CLDN14: variants seen among roughly 807,000 people sequenced by gnomAD.
CLDN14 encodes claudin 14, also known as claudin-14.
Under a neutral mutation model 2.1 loss-of-function variants are expected in CLDN14, and 2 were observed. That is an observed-to-expected ratio of 0.96 (90% CI 0.39 to 3.01). The LOEUF is 3.01. CLDN14 is among the 30% of genes most tolerant of loss of function. The probability of loss-of-function intolerance (pLI) is 0.09; values close to 1 mark genes in which losing one functional copy is unlikely to be tolerated. For synonymous variants in CLDN14, 136 were observed against 154.4 expected (o/e 0.88, Z 0.88); for missense variants, 298 against 328.0 (o/e 0.91, Z 0.71).
At chr21:36,513,085 C>T (rs2146486235) in intron 1 of CLDN14, among the ~76,000 whole-genome samples, 1 of 152,310 alleles carries the variant, frequency 6.6e-6, no homozygotes, top group Non-Finnish European at 1.5e-5. Context: ...ATCTACCTGC[C>T]TGTGTCTCAC....
chr21:36,486,170 G>T, intron 2 of CLDN14: 2 of 1,175,340 alleles, frequency 1.7e-6, no homozygotes, highest in South Asian at 1.2e-5. Context: ...TGGCTGGCAA[G>T]TGTCCATGGC....
intron 1 of CLDN14, among the ~76,000 whole-genome samples, chr21:36,517,754 G>A (rs2087239533): frequency 6.6e-6 from 1 of 152,208 alleles, no homozygotes; most frequent in Non-Finnish European, 1.5e-5. Flanking sequence ...ATGGTGCTCA[G>A]ATATGTGGTA....
intron 2 of CLDN14, among the ~76,000 whole-genome samples, chr21:36,501,310 G>A (rs1341817799): frequency 1.6e-5 from 2 of 125,338 alleles, no homozygotes; most frequent in Non-Finnish European, 3.3e-5. Flanking sequence ...CATTATTAAT[G>A]GGAGTTTCAG....
chr21:36,536,374 T>A (rs1377052969), intron 1 of CLDN14, among the ~76,000 whole-genome samples: 1 of 152,222 alleles, frequency 6.6e-6, no homozygotes, highest in Non-Finnish European at 1.5e-5. Context: ...TGAACTCATT[T>A]TAAAAATGAC....
intron 1 of CLDN14, among the ~76,000 whole-genome samples, chr21:36,538,729 T>C (rs963266600): frequency 2.0e-5 from 3 of 150,784 alleles, no homozygotes; most frequent in Non-Finnish European, 3.0e-5. Context: ...GATGCTGCAG[T>C]GCTCCCTCAA....
In CLDN14 at chr21:36,568,619, G is replaced by A. The variant is rs529796312; in HGVS notation, c.-220+7792C>T. On this transcript the variant is annotated intron_variant, in intron 1 of 2. Coordinates refer to the CLDN14 transcript ENST00000342108. ...TCAGGCCTGAAGTCACAGTTACTTG[G>A]GAGGCTGATGTGGGAGGATCGCTTG... is the stretch of plus-strand genomic sequence containing the variant. Among the ~76,000 whole-genome samples the A allele has an allele frequency of 8.5e-5, 13 of 152,338 alleles. No homozygotes were observed. In the South Asian group the frequency reaches 2.7e-3, roughly 32 times the overall value.
In CLDN14 at chr21:36,527,471, G is replaced by C. The variant is rs1397373698; in HGVS notation, c.-219-16971C>G. Among the ~76,000 whole-genome samples, 4 of 152,312 alleles carry C rather than the reference G, an allele frequency of 2.6e-5. No individual in the cohort carries two copies. The East Asian group carries it at 7.7e-4, about 29-fold the overall frequency. On this transcript the variant is annotated intron_variant, in intron 1 of 2. Transcript: ENST00000342108. ...GAGAAGCAAAACAGCTTCAGACTTT[G>C]TTGCTTTAATATTTCCATGTAGATC...
At chr21:36,518,708 A>G (rs2087247400) in intron 1 of CLDN14, among the ~76,000 whole-genome samples, 1 of 152,182 alleles carries the variant, frequency 6.6e-6, no homozygotes, top group African/African-American at 2.4e-5. Context: ...AACTCCAGTG[A>G]CCCATTTGGA....
chr21:36,486,801 G>A, intron 2 of CLDN14: 1 of 753,396 alleles, frequency 1.3e-6, no homozygotes, highest in South Asian at 1.5e-5. Context: ...TGCCCCGTCA[G>A]CGCTTCAGAG....
chr21:36,530,163 T>C (rs1310574129), intron 1 of CLDN14, among the ~76,000 whole-genome samples: 1 of 152,220 alleles, frequency 6.6e-6, no homozygotes, highest in Non-Finnish European at 1.5e-5. Context: ...TAGATAGAGT[T>C]GGTTTATTTT....
At chr21:36,562,494 A>ATT (rs1568882368) in intron 1 of CLDN14, among the ~76,000 whole-genome samples, 1 of 152,198 alleles carries the variant, frequency 6.6e-6, no homozygotes, top group Non-Finnish European at 1.5e-5. Flanking sequence ...CTTCTGAAAT[A>ATT]TTCCTGAGGA....
chr21:36,523,761 AAG>A (rs1491080034), intron 1 of CLDN14, among the ~76,000 whole-genome samples: 12,635 of 47,752 alleles, frequency 0.26, 3,015 homozygotes, highest in Non-Finnish European at 0.41. Flanking sequence ...AAAAAAAAAA[AAG>A]AAAGAAAGAG....
chr21:36,473,942 C>T (rs938963236), intron 1 of CLDN14, among the ~76,000 whole-genome samples: 1 of 152,214 alleles, frequency 6.6e-6, no homozygotes, highest in Non-Finnish European at 1.5e-5. Flanking sequence ...CATCTGAGCA[C>T]TGAGAAGTGG....
chr21:36,499,410 T>C lies in CLDN14; in HGVS notation c.-82+10953A>G, dbSNP rs1348698205. ...TTGAAACCTGCATACACACAGCCTTTTTGTTTTATGGGCTGGGTTCCTACA... is the reference window on the plus strand; with the variant it reads ...TTGAAACCTGCATACACACAGCCTTCTTGTTTTATGGGCTGGGTTCCTACA... On this transcript the variant is annotated intron_variant, in intron 2 of 2. Coordinates refer to the CLDN14 transcript ENST00000342108. This position sits in a 1 kb window ranked among gnomAD's most constrained non-coding sequence, Gnocchi z 4.7. 6.6e-6 allele frequency among the ~76,000 whole-genome samples: 1 copy of C among 152,176 alleles called. No individual in the cohort carries two copies. The highest frequency in any genetic ancestry group is 1.5e-5 in the Non-Finnish European group (1 of 68,034).
upstream of CLDN14, among the ~76,000 whole-genome samples, chr21:36,483,838 G>T (rs2086869929): frequency 6.6e-6 from 1 of 152,186 alleles, no homozygotes; most frequent in African/African-American, 2.4e-5. Flanking sequence ...TTGGGGTGGG[G>T]ACCTTCTTGT....
chr21:36,476,598 G>T (rs542804979), intron 1 of CLDN14, among the ~76,000 whole-genome samples: 3 of 152,148 alleles, frequency 2.0e-5, no homozygotes, highest in Admixed American at 2.0e-4. Context: ...GATTACAGGC[G>T]CCTGCTACCA....
chr21:36,491,454 C>T (rs1371345697), intron 2 of CLDN14, among the ~76,000 whole-genome samples: 1 of 152,176 alleles, frequency 6.6e-6, no homozygotes, highest in Non-Finnish European at 1.5e-5. Context: ...AGAAAGGGAC[C>T]TGATGTCAAG....
At chr21:36,548,058 T>C (rs1352669599) in intron 1 of CLDN14, among the ~76,000 whole-genome samples, 3 of 152,028 alleles carry the variant, frequency 2.0e-5, no homozygotes, top group Non-Finnish European at 4.4e-5. Context: ...TCCCGGGCTT[T>C]TTGTCAGTCC....
At chr21:36,476,269 G>C (rs561669971) in intron 1 of CLDN14, among the ~76,000 whole-genome samples, 2 of 152,126 alleles carry the variant, frequency 1.3e-5, no homozygotes, top group South Asian at 4.2e-4. Flanking sequence ...AAAGTGGTTG[G>C]GGGGGTGGTT....
Sources: gnomAD v4.1 joint callset for allele counts (sites outside exome capture counted in the v4.1 genomes callset) on GRCh38, gnomAD v4.1.1 for gene constraint, Gnocchi (gnomAD v3.1) non-coding constraint, MANE v1.5 for transcripts, NCBI Gene and HGNC (gene_info 2026-07-23, HGNC 2026-07-21) for gene names.